The following CEP112 variants were observed in gnomAD, a reference collection of about 807,000 sequenced individuals.
CEP112 encodes centrosomal protein 112.
A neutral mutation model predicts 153.0 loss-of-function variants in CEP112; 127 were observed. The observed-to-expected ratio is 0.83, with a 90% CI of 0.72 to 0.96. The LOEUF is 0.96. Ranked by LOEUF, CEP112 falls within the 40% of genes least tolerant of loss-of-function variation. The pLI is 0.00. For synonymous variants in CEP112, 358 were observed against 374.4 expected (o/e 0.96, Z 0.51); for missense variants, 1,089 against 1,101.2 (o/e 0.99, Z 0.16).
At chr17:66,025,968 C>CCACA (rs150059801) in intron 16 of CEP112, among the ~76,000 whole-genome samples, 2,013 of 130,512 alleles carry the variant, frequency 0.015, 25 homozygotes, top group African/African-American at 0.035. Flanking sequence ...TATATATAGA[C>CCACA]CACACACACA....
intron 21 of CEP112, among the ~76,000 whole-genome samples, chr17:65,818,826 C>T (rs1193816089): frequency 6.6e-6 from 1 of 151,838 alleles, no homozygotes; most frequent in African/African-American, 2.4e-5. Flanking sequence ...TTTGTGACTT[C>T]TTAAAGAACT....
chr17:65,856,024 T>G (rs1288251201), intron 20 of CEP112, among the ~76,000 whole-genome samples: 1 of 152,076 alleles, frequency 6.6e-6, no homozygotes. Context: ...TACCCTGTAC[T>G]CCGGCCTGTG....
chr17:66,140,301 A>C (rs2070635818), intron 4 of CEP112, among the ~76,000 whole-genome samples: 2 of 152,182 alleles, frequency 1.3e-5, no homozygotes, highest in South Asian at 2.1e-4. Context: ...TATATGACAA[A>C]GCCCATACCT....
chr17:66,005,711 T>A lies in CEP112; in HGVS notation c.1715A>T (p.His572Leu). 1 of 1,610,638 alleles carries A rather than the reference T, an allele frequency of 6.2e-7. No individual in the cohort carries two copies. The highest frequency in any genetic ancestry group is 8.5e-7 in the Non-Finnish European group (1 of 1,178,998). The change falls in exon 17 of 27, where the codon CAT becomes CTT. Residue 572 changes from histidine to leucine, a missense_variant. Transcript: ENST00000535342. ...KGKEDTQKKI[H>L]KFEEALKEKE... is the part of the protein sequence containing the mutation. ...TCACTTCAAAGCTTCCTCAAATTTA[T>A]GAATTTTCTTTTGAGTATCTTCTTT...
At chr17:65,738,586 T>A (rs192419603) in intron 23 of CEP112, among the ~76,000 whole-genome samples, 1 of 152,320 alleles carries the variant, frequency 6.6e-6, no homozygotes, top group Non-Finnish European at 1.5e-5. Flanking sequence ...TGGTGGTTAT[T>A]TCTGGGTGAT....
intron 17 of CEP112, among the ~76,000 whole-genome samples, chr17:65,974,366 T>TG (rs1282824191): frequency 2.6e-5 from 4 of 152,162 alleles, no homozygotes; most frequent in Non-Finnish European, 5.9e-5. Flanking sequence ...TGTGAGCGAC[T>TG]GTGCCCAGCC....
Position 65,843,079 on chromosome 17 carries a change from C to A in CEP112, c.2394+8725G>T, listed in dbSNP as rs1029141996. On this transcript the variant is annotated intron_variant, in intron 21 of 26. Transcript: ENST00000535342. ...GTTTTTGTATAAGACAAGATTATAA[C>A]CCCTGTCATAGTCAAGAAAGCTTTA... 5.3e-5 allele frequency among the ~76,000 whole-genome samples: 8 copies of A among 152,020 alleles called. No homozygotes were observed. The South Asian group carries it at 6.2e-4, about 12-fold the overall frequency.
At chr17:65,842,674 T>C (rs1005016831) in intron 21 of CEP112, among the ~76,000 whole-genome samples, 7 of 152,276 alleles carry the variant, frequency 4.6e-5, no homozygotes, top group Middle Eastern at 3.4e-3. Context: ...ACTTGTTTAG[T>C]GGACTCACTG....
At chr17:66,120,681 G>T (rs1472613165) in intron 6 of CEP112, among the ~76,000 whole-genome samples, 3 of 151,952 alleles carry the variant, frequency 2.0e-5, no homozygotes, top group Non-Finnish European at 4.4e-5. Flanking sequence ...ATTATACTTT[G>T]AGTATCTATA....
intron 4 of CEP112, among the ~76,000 whole-genome samples, chr17:66,133,379 A>C (rs963181660): frequency 2.6e-5 from 4 of 152,220 alleles, no homozygotes; most frequent in African/African-American, 9.6e-5. Flanking sequence ...AAATATATAA[A>C]ATAACAAAAC....
intron 6 of CEP112, among the ~76,000 whole-genome samples, chr17:66,125,743 A>C (rs529237889): frequency 5.9e-5 from 9 of 152,096 alleles, no homozygotes; most frequent in Non-Finnish European, 1.3e-4. Context: ...AGGAAAAGAA[A>C]AGAAAAAAAA....
chr17:65,682,086 C>T (rs994493603), intron 24 of CEP112, among the ~76,000 whole-genome samples: 8 of 151,978 alleles, frequency 5.3e-5, no homozygotes, highest in Admixed American at 2.0e-4. Context: ...CTCTGCTGCC[C>T]GGGTTCAAGC....
At chr17:65,791,566 CTT>C (rs1162863901) in intron 21 of CEP112, among the ~76,000 whole-genome samples, 5 of 152,174 alleles carry the variant, frequency 3.3e-5, no homozygotes, top group Non-Finnish European at 7.3e-5. Flanking sequence ...TCTATGAAAA[CTT>C]TTTCTCTGAA....
intron 20 of CEP112, among the ~76,000 whole-genome samples, chr17:65,867,425 C>T (rs144596552): frequency 2.8e-4 from 43 of 152,334 alleles, no homozygotes; most frequent in African/African-American, 1.0e-3. Context: ...GGTGAAGCAA[C>T]ACCCCAAGGA....
Position 65,667,558 on chromosome 17 carries a change from T to TACACACACAC in CEP112, c.2697+21561_2697+21570dup, listed in dbSNP as rs71361241. 1.7e-4 allele frequency among the ~76,000 whole-genome samples: 25 copies of TACACACACAC among 149,266 alleles called. 1 individual carries two copies. The East Asian group carries it at 2.2e-3, about 13-fold the overall frequency. On this transcript the variant is annotated intron_variant, in intron 24 of 26. Transcript: ENST00000535342. ...TGAGTTTTAACAACATTTGTACTCT[T>TACACACACAC]ACACACACACACACACACACACACA... is the stretch of plus-strand genomic sequence containing the variant.
chr17:65,902,040 A>G (rs1482636572), intron 20 of CEP112, 112 bp downstream of exon 20: 7 of 367,730 alleles, frequency 1.9e-5, no homozygotes, highest in Non-Finnish European at 3.3e-5. Context: ...TTTATATGTC[A>G]GTTTTGCAAA....
chr17:65,758,192 A>G (rs974539162), intron 21 of CEP112, among the ~76,000 whole-genome samples: 1 of 152,176 alleles, frequency 6.6e-6, no homozygotes, highest in Non-Finnish European at 1.5e-5. Flanking sequence ...AAATAGTAGT[A>G]GTCATAGTAG....
intron 6 of CEP112, among the ~76,000 whole-genome samples, chr17:66,101,405 A>C (rs771542736): frequency 1.3e-5 from 2 of 152,090 alleles, no homozygotes; most frequent in Non-Finnish European, 1.5e-5. Flanking sequence ...ACTCTATTAG[A>C]GCATGAACAT....
chr17:65,701,898 G>GTTTTTTTT (rs869242758), intron 23 of CEP112, among the ~76,000 whole-genome samples: 17 of 116,052 alleles, frequency 1.5e-4, no homozygotes, highest in Non-Finnish European at 2.0e-4. Flanking sequence ...TTTTTTTTTT[G>GTTTTTTTT]TTTTTTTTTT....
Sources: allele counts gnomAD v4.1 joint callset (sites outside exome capture counted in the v4.1 genomes callset), GRCh38; gene constraint gnomAD v4.1.1; transcripts MANE v1.5; gene names NCBI Gene and HGNC (gene_info 2026-07-23, HGNC 2026-07-21).